Variants in VAV3 observed in about 807,000 individuals in gnomAD.
VAV3 encodes guanine nucleotide exchange factor VAV3.
Under a neutral mutation model 131.2 loss-of-function variants are expected in VAV3, and 94 were observed. That is an observed-to-expected ratio of 0.72 (90% CI 0.61 to 0.85). The LOEUF (loss-of-function observed/expected upper bound fraction) is 0.85. Ranked by LOEUF, VAV3 falls within the 40% of genes least tolerant of loss-of-function variation. The pLI, the probability that VAV3 is intolerant of heterozygous loss-of-function variation, is 0.00. For synonymous variants in VAV3, 349 were observed against 342.0 expected (o/e 1.02, Z -0.22); for missense variants, 939 against 1,002.7 (o/e 0.94, Z 0.86).
intron 2 of VAV3, among the ~76,000 whole-genome samples, chr1:107,856,927 T>C (rs943279369): frequency 6.6e-6 from 1 of 152,142 alleles, no homozygotes; most frequent in Non-Finnish European, 1.5e-5. Flanking sequence ...TAGTCCTAGT[T>C]ACTTGGCAGG....
chr1:107,757,172 T>A, intron 11 of VAV3, 89 bp downstream of exon 11: 1 of 805,480 alleles, frequency 1.2e-6, no homozygotes, highest in Non-Finnish European at 2.1e-6. Flanking sequence ...TGTGTGTGTG[T>A]GTGTGTGTGT....
At chr1:107,713,122 A>G (rs1373831758) in intron 15 of VAV3, among the ~76,000 whole-genome samples, 1 of 152,218 alleles carries the variant, frequency 6.6e-6, no homozygotes, top group Non-Finnish European at 1.5e-5. Flanking sequence ...ATGATGTGCC[A>G]TGAATACAGC....
At chr1:107,632,738 T>G (rs1272972920) in intron 20 of VAV3, among the ~76,000 whole-genome samples, 3 of 152,240 alleles carry the variant, frequency 2.0e-5, no homozygotes, top group Non-Finnish European at 2.9e-5. Flanking sequence ...TAGCAGTGTC[T>G]GAGTAGTGAA....
At chr1:107,915,114 A>G (rs917759364) in intron 1 of VAV3, among the ~76,000 whole-genome samples, 3 of 152,224 alleles carry the variant, frequency 2.0e-5, no homozygotes, top group Non-Finnish European at 4.4e-5. Flanking sequence ...TTTTCAGACT[A>G]TGGAGAACCC....
chr1:107,758,054 A>C (rs772236621), intron 10 of VAV3, among the ~76,000 whole-genome samples: 4 of 152,112 alleles, frequency 2.6e-5, no homozygotes, highest in Non-Finnish European at 4.4e-5. Flanking sequence ...CCCCAAACTT[A>C]ATCAATCTTC....
intron 7 of VAV3, among the ~76,000 whole-genome samples, chr1:107,767,499 C>T (rs541375330): frequency 3.9e-5 from 6 of 152,294 alleles, no homozygotes; most frequent in South Asian, 2.1e-4. Flanking sequence ...TTATTTAGTG[C>T]TAAACCTTCA....
intron 1 of VAV3, among the ~76,000 whole-genome samples, chr1:107,889,144 T>TGC (rs1174654874): frequency 2.0e-5 from 3 of 150,798 alleles, no homozygotes; most frequent in Non-Finnish European, 4.4e-5. Flanking sequence ...TGTGTGTGTG[T>TGC]GTGTGTGTGT....
At chr1:107,852,932 T>C (rs996716312) in intron 2 of VAV3, among the ~76,000 whole-genome samples, 6 of 151,936 alleles carry the variant, frequency 3.9e-5, no homozygotes, top group African/African-American at 1.5e-4. Flanking sequence ...CTTTATCAAT[T>C]CTCAGTATTT....
At chr1:107,804,703 T>C (rs1364818892) in intron 2 of VAV3, among the ~76,000 whole-genome samples, 2 of 152,204 alleles carry the variant, frequency 1.3e-5, no homozygotes, top group Non-Finnish European at 2.9e-5. Flanking sequence ...TAAAGTATTC[T>C]GGGGCTGTAT....
chr1:107,764,460 G>A lies in VAV3; in HGVS notation c.921+616C>T, dbSNP rs142184111. On this transcript the variant is annotated intron_variant, in intron 9 of 26. Transcript: ENST00000370056. Reference sequence around the variant, plus strand: ...GTGTTCGTCTTCTCTTCCTTCCTGTGGGCAATATGCATGGCCTTTTAATAC... The same window carrying A: ...GTGTTCGTCTTCTCTTCCTTCCTGTAGGCAATATGCATGGCCTTTTAATAC... Among the ~76,000 whole-genome samples the A allele has an allele frequency of 2.3e-3, 343 of 152,160 alleles. 6 individuals carry two copies. The highest frequency in any genetic ancestry group is 0.011 in the Admixed American group (165 of 15,280).
chr1:107,704,534 A>C lies in VAV3; in HGVS notation c.1705+16T>G. 6.2e-7 allele frequency: 1 copy of C among 1,601,030 alleles called. No individual in the cohort carries two copies. The highest frequency in any genetic ancestry group is 1.1e-5 in the South Asian group (1 of 89,916). On this transcript the variant is annotated intron_variant, in intron 17 of 26. Transcript: ENST00000370056. The stretch of plus-strand genomic sequence containing the variant: ...TCCTCATTAAAAACAGAATTGCAAC[A>C]ATAAACATGACTTACCACCAGAATT...
At chr1:107,866,822 CAAAAAAAAAAAA>C (rs66866060) in intron 2 of VAV3, among the ~76,000 whole-genome samples, 3 of 59,200 alleles carry the variant, frequency 5.1e-5, no homozygotes, top group Non-Finnish European at 5.6e-5. Flanking sequence ...GACTCCATCT[CAAAAAAAAAAAA>C]AAAAAAAAAA....
Position 107,781,275 on chromosome 1 carries a change from T to G in VAV3, c.322-1783A>C, listed in dbSNP as rs533533984. On this transcript the variant is annotated intron_variant, in intron 2 of 26. Transcript: ENST00000370056. ...CCTATCATATGCTTAACTCAGTAAA[T>G]GTGAATTTTTATTATCATGTAAAAT... Among the ~76,000 whole-genome samples, 14 of 152,312 alleles carry G rather than the reference T, an allele frequency of 9.2e-5. No individual in the cohort carries two copies. The East Asian group carries it at 2.7e-3, about 29-fold the overall frequency.
intron 1 of VAV3, among the ~76,000 whole-genome samples, chr1:107,907,133 T>C (rs1310007574): frequency 6.6e-6 from 1 of 152,068 alleles, no homozygotes; most frequent in Non-Finnish European, 1.5e-5. Flanking sequence ...AGAAGCAAAA[T>C]ACAAGTCAGA....
rs912399492 is a variant in VAV3 at position 107,861,004 on chromosome 1, T to C, written c.321+13897A>G. ...ACCAATGGAAGAAAATTTAGAAAGA[T>C]AGATTATGCTTTATTATTAGTGATG... is the stretch of plus-strand genomic sequence containing the variant. On this transcript the variant is annotated intron_variant, in intron 2 of 26. Coordinates refer to ENST00000370056, the MANE Select transcript of VAV3 (RefSeq NM_006113.5). Among the ~76,000 whole-genome samples the C allele has an allele frequency of 3.4e-4, 51 of 151,712 alleles. 1 individual carries two copies. The highest frequency in any genetic ancestry group is 2.8e-3 in the Admixed American group (42 of 15,198).
intron 7 of VAV3, among the ~76,000 whole-genome samples, chr1:107,767,380 G>A (rs555564792): frequency 5.3e-5 from 8 of 152,270 alleles, no homozygotes; most frequent in Admixed American, 4.6e-4. Flanking sequence ...TGACTCCACA[G>A]CATGCTCTCT....
intron 2 of VAV3, among the ~76,000 whole-genome samples, chr1:107,802,303 C>T (rs776545668): frequency 3.3e-5 from 5 of 151,852 alleles, no homozygotes; most frequent in East Asian, 1.9e-4. Flanking sequence ...CTGCATATAA[C>T]GATAATTTGA....
chr1:107,723,624 G>A (rs781286040), intron 15 of VAV3, among the ~76,000 whole-genome samples: 3 of 152,136 alleles, frequency 2.0e-5, no homozygotes, highest in Non-Finnish European at 2.9e-5. Context: ...GGATGAACCC[G>A]CAACTTAGCA....
chr1:107,915,276 T>C (rs1672553370), intron 1 of VAV3, among the ~76,000 whole-genome samples: 1 of 152,140 alleles, frequency 6.6e-6, no homozygotes, highest in African/African-American at 2.4e-5. Flanking sequence ...TTTAATGAGA[T>C]GCAAAAGCCT....
Sources: allele counts gnomAD v4.1 joint callset (sites outside exome capture counted in the v4.1 genomes callset), GRCh38; gene constraint gnomAD v4.1.1; transcripts MANE v1.5; gene names NCBI Gene and HGNC (gene_info 2026-07-23, HGNC 2026-07-21).